Variants in GALNTL6 observed in about 807,000 individuals in gnomAD.
GALNTL6 encodes the protein polypeptide N-acetylgalactosaminyltransferase like 6.
Under a neutral mutation model 73.7 loss-of-function variants are expected in GALNTL6, and 46 were observed. The observed-to-expected ratio is 0.62, with a 90% CI of 0.49 to 0.80. The LOEUF is 0.80. Ranked by LOEUF, GALNTL6 falls within the 30% of genes least tolerant of loss-of-function variation. GALNTL6 has a pLI of 0.00. For synonymous variants in GALNTL6, 259 were observed against 263.7 expected, an observed-to-expected ratio of 0.98 and a Z score of 0.17; for missense variants, 604 against 755.0, an observed-to-expected ratio of 0.80 and a Z score of 2.34.
At chr4:172,213,163 G>A (rs1475531455) in intron 2 of GALNTL6, among the ~76,000 whole-genome samples, 6 of 151,930 alleles carry the variant, frequency 3.9e-5, no homozygotes, top group South Asian at 2.1e-4. Flanking sequence ...TTGTATAGAT[G>A]TTCCAATTCA....
intron 2 of GALNTL6, among the ~76,000 whole-genome samples, chr4:171,969,883 C>G (rs749518608): frequency 2.6e-5 from 4 of 151,928 alleles, no homozygotes; most frequent in Non-Finnish European, 5.9e-5. Flanking sequence ...GATTCTCATG[C>G]CTCAGCCTCC....
chr4:172,362,472 T>G (rs1742405931), intron 5 of GALNTL6, among the ~76,000 whole-genome samples: 1 of 152,156 alleles, frequency 6.6e-6, no homozygotes, highest in Non-Finnish European at 1.5e-5. Flanking sequence ...GGGCATGCTT[T>G]TCTCATCGTT....
At chr4:171,923,558 C>G (rs1427252418) in intron 2 of GALNTL6, among the ~76,000 whole-genome samples, 2 of 97,478 alleles carry the variant, frequency 2.1e-5, no homozygotes, top group African/African-American at 8.1e-5. Context: ...GCACCACTCC[C>G]GGCTAATTTT....
intron 2 of GALNTL6, among the ~76,000 whole-genome samples, chr4:171,980,400 G>C (rs1285113105): frequency 6.6e-6 from 1 of 152,114 alleles, no homozygotes; most frequent in Non-Finnish European, 1.5e-5. Context: ...ACTTTAGCAT[G>C]TTGAAAATAA....
At chr4:171,970,062 C>T (rs1181604802) in intron 2 of GALNTL6, among the ~76,000 whole-genome samples, 1 of 152,186 alleles carries the variant, frequency 6.6e-6, no homozygotes, top group African/African-American at 2.4e-5. Context: ...TGAGCCACTG[C>T]ATCAGGCCCA....
chr4:172,810,952 C>A (rs2110990922), intron 6 of GALNTL6, among the ~76,000 whole-genome samples: 1 of 151,514 alleles, frequency 6.6e-6, no homozygotes, highest in East Asian at 1.9e-4. Flanking sequence ...TCTGATTGTT[C>A]ACTATGAATC....
chr4:172,600,861 T>G (rs1185312487), intron 5 of GALNTL6, among the ~76,000 whole-genome samples: 1 of 151,874 alleles, frequency 6.6e-6, no homozygotes. Context: ...TACTCTATAA[T>G]AGAAGATAAC....
intron 5 of GALNTL6, among the ~76,000 whole-genome samples, chr4:172,497,263 G>A (rs539062537): frequency 2.6e-5 from 4 of 152,314 alleles, no homozygotes; most frequent in South Asian, 4.1e-4. Context: ...TTAATGAATA[G>A]TAATGGTTCG....
At chr4:171,908,387 C>T (rs1255417351) in intron 2 of GALNTL6, among the ~76,000 whole-genome samples, 2 of 151,956 alleles carry the variant, frequency 1.3e-5, no homozygotes, top group African/African-American at 2.4e-5. Context: ...CCAAAAAACA[C>T]ACGAAAAAAT....
chr4:172,265,804 TCAAA>T (rs1352348131), intron 3 of GALNTL6, among the ~76,000 whole-genome samples: 1 of 152,074 alleles, frequency 6.6e-6, no homozygotes, highest in Non-Finnish European at 1.5e-5. Context: ...TATAGATTAA[TCAAA>T]CATAGTATAT....
intron 2 of GALNTL6, among the ~76,000 whole-genome samples, chr4:171,950,947 T>C (rs1048697035): frequency 1.1e-4 from 16 of 151,498 alleles, no homozygotes; most frequent in African/African-American, 3.9e-4. Flanking sequence ...ATAAAATACA[T>C]CAAGAAAAAA....
intron 2 of GALNTL6, among the ~76,000 whole-genome samples, chr4:172,121,483 G>T (rs1190704781): frequency 6.6e-6 from 1 of 152,032 alleles, no homozygotes; most frequent in Non-Finnish European, 1.5e-5. Context: ...TTTTGATCAA[G>T]ATCTTTACCC....
At chr4:173,010,884 C>T (rs1349400431) in intron 11 of GALNTL6, among the ~76,000 whole-genome samples, 1 of 151,944 alleles carries the variant, frequency 6.6e-6, no homozygotes, top group Non-Finnish European at 1.5e-5. Context: ...GGATTACAGG[C>T]ATAAGCCACC....
intron 2 of GALNTL6, among the ~76,000 whole-genome samples, chr4:171,989,386 TG>T (rs1459462882): frequency 6.6e-6 from 1 of 152,096 alleles, no homozygotes; most frequent in Non-Finnish European, 1.5e-5. Flanking sequence ...CCAGGTGAGT[TG>T]AACAGTCTGA....
At chr4:172,605,704 T>C (rs1218934120) in intron 5 of GALNTL6, among the ~76,000 whole-genome samples, 1 of 152,148 alleles carries the variant, frequency 6.6e-6, no homozygotes, top group East Asian at 1.9e-4. Context: ...AAGATATAAA[T>C]GATGCAGATT....
chr4:172,884,928 G>A (rs1745641933), intron 8 of GALNTL6, among the ~76,000 whole-genome samples: 1 of 152,044 alleles, frequency 6.6e-6, no homozygotes, highest in African/African-American at 2.4e-5. Context: ...GAATGAGTTG[G>A]CTGTAAGTGC....
chr4:172,984,710 A>G (rs975073693), intron 10 of GALNTL6, among the ~76,000 whole-genome samples: 5 of 152,222 alleles, frequency 3.3e-5, no homozygotes, highest in African/African-American at 1.2e-4. Flanking sequence ...CCCAAACCTC[A>G]GTATCATGCA....
intron 8 of GALNTL6, among the ~76,000 whole-genome samples, chr4:172,907,188 C>T (rs1207570987): frequency 6.7e-6 from 1 of 150,010 alleles, no homozygotes; most frequent in East Asian, 1.9e-4. Context: ...CTTTAAGGAG[C>T]ACATACTATA....
At position 171,859,347 on chromosome 4, in the gene GALNTL6, A is replaced by G. The variant is rs72983826; in HGVS notation, c.138+44629A>G. ...CATTTTAAAATTTTTTGAACTCCCA[A>G]TGATATATTTTTAGGCTCCCAGAAT... On this transcript the variant is annotated intron_variant, in intron 2 of 12. Transcript: ENST00000506823. Among the ~76,000 whole-genome samples the G allele has an allele frequency of 2.2e-3, 338 of 152,252 alleles. 3 individuals carry two copies. The highest frequency in any genetic ancestry group is 7.7e-3 in the African/African-American group (319 of 41,562).
Sources: allele counts gnomAD v4.1 joint callset (sites outside exome capture counted in the v4.1 genomes callset), GRCh38; gene constraint gnomAD v4.1.1; transcripts MANE v1.5; gene names NCBI Gene and HGNC (gene_info 2026-07-23, HGNC 2026-07-21).